GUCA1B: variants seen among roughly 807,000 people sequenced by gnomAD.
GUCA1B encodes guanylyl cyclase-activating protein 2.
GUCA1B carries 22 observed loss-of-function variants against 24.2 expected under a neutral mutation model. The ratio of observed to expected loss-of-function variants is 0.91; its 90% CI spans 0.65 to 1.30. The LOEUF (loss-of-function observed/expected upper bound fraction) is 1.30. Ranked by LOEUF, GUCA1B falls within the 50% of genes most tolerant of loss-of-function variation. The pLI is 0.00. For missense variants in GUCA1B, 221 were observed against 258.8 expected (o/e 0.85, Z 1.00); for synonymous variants, 100 against 97.9 (o/e 1.02, Z -0.13).
intron 2 of GUCA1B, among the ~76,000 whole-genome samples, 177 bp downstream of exon 2, chr6:42,188,404 AT>A: frequency 6.7e-6 from 1 of 149,354 alleles, no homozygotes; most frequent in African/African-American, 2.5e-5. Context: ...TCTTTTTTTG[AT>A]TGATTTCTAG....
At chr6:42,192,494 T>C (rs1378594421) in intron 1 of GUCA1B, among the ~76,000 whole-genome samples, 1 of 151,242 alleles carries the variant, frequency 6.6e-6, no homozygotes, top group African/African-American at 2.4e-5. Context: ...GGCAAATCAC[T>C]TCAGGTCAGG....
Position 42,194,702 on chromosome 6 carries a change from T to A in GUCA1B, c.119A>T (p.His40Leu). 1 of 1,613,626 alleles carries A rather than the reference T, an allele frequency of 6.2e-7. No homozygotes were observed. Among genetic ancestry groups the A allele is most frequent in the East Asian group, 2.2e-5 (1 of 44,864 alleles). ...GACCTTGAAGAAGCGCTTAAACTCA[T>A]GCATAAAGAGTGTGCCGCTGGGGCA... ...MECPSGTLFM[H>L]EFKRFFKVTD... Residue 40 changes from histidine (H) to leucine (L), a missense_variant, in exon 1 of 4, where the codon CAT (histidine) becomes CTT (leucine). His to Leu is a moderately conservative substitution (Grantham distance 99). Coordinates refer to ENST00000230361, the MANE Select transcript of GUCA1B (RefSeq NM_002098.6).
At chr6:42,187,072 T>G (rs1009199747) in intron 2 of GUCA1B, among the ~76,000 whole-genome samples, 8 of 151,804 alleles carry the variant, frequency 5.3e-5, no homozygotes, top group African/African-American at 1.7e-4. Flanking sequence ...TGATTTCTGC[T>G]GTTTATTTTC....
chr6:42,185,590 GAAGGTGGAGGGCCTTGCCC>G, intron 3 of GUCA1B, 71 bp downstream of exon 3: 1 of 791,890 alleles, frequency 1.3e-6, no homozygotes, highest in Non-Finnish European at 2.2e-6. Context: ...CCCAGGGTTG[GAAGGTGGAGGGCCTTGCCC>G]AAGGACGTGC....
rs192301923 is a variant in GUCA1B at position 42,191,987 on chromosome 6, G to C, written c.207+2627C>G. ...AGAAAAGCTGAGATTAAAGATTCCA[G>C]GTTAAAGAAGACTAAGGAGATACAA... On this transcript the variant is annotated intron_variant, in intron 1 of 3. Coordinates refer to ENST00000230361, the MANE Select transcript of GUCA1B (RefSeq NM_002098.6). 3.8e-3 allele frequency among the ~76,000 whole-genome samples: 556 copies of C among 148,108 alleles called. 4 individuals are homozygous for C. The highest frequency in any genetic ancestry group is 0.013 in the African/African-American group (528 of 39,952).
rs1375168314 is a variant in GUCA1B, at chr6:42,184,619, A to G, written c.*196T>C. On this transcript the variant is annotated 3_prime_UTR_variant, in exon 4 of 4. Coordinates refer to ENST00000230361, the MANE Select transcript of GUCA1B (RefSeq NM_002098.6). ...CTGAATTCCCTTCACCATCCCAGGG[A>G]CTCCTCCAAAATGGACTATGCCCTG... 3.0e-6 allele frequency: 2 copies of G among 664,746 alleles called. No homozygotes were observed. The allele number at this position is 664,746 out of a possible 1,614,324, so 41.2% of individuals were successfully genotyped here.
intron 2 of GUCA1B, among the ~76,000 whole-genome samples, 187 bp downstream of exon 2, chr6:42,188,395 C>CT (rs1478443074): frequency 6.6e-6 from 1 of 151,164 alleles, no homozygotes; most frequent in African/African-American, 2.4e-5. Context: ...TTCTAATAAT[C>CT]TTTTTTTGAT....
intron 1 of GUCA1B, among the ~76,000 whole-genome samples, chr6:42,194,056 T>C (rs948387693): frequency 3.3e-5 from 5 of 152,202 alleles, no homozygotes; most frequent in African/African-American, 1.2e-4. Flanking sequence ...TTCCAGGACT[T>C]GAAGAGCTGA....
At chr6:42,190,055 GGA>G (rs1375951131) in intron 1 of GUCA1B, among the ~76,000 whole-genome samples, 1 of 152,192 alleles carries the variant, frequency 6.6e-6, no homozygotes, top group African/African-American at 2.4e-5. Context: ...AGGCCACTCA[GGA>G]GCCCCAGCCC....
chr6:42,189,936 C>A (rs1335971824), intron 1 of GUCA1B, among the ~76,000 whole-genome samples: 1 of 152,128 alleles, frequency 6.6e-6, no homozygotes, highest in African/African-American at 2.4e-5. Flanking sequence ...ACTCCATTCT[C>A]CAAATCAAAA....
intron 1 of GUCA1B, among the ~76,000 whole-genome samples, chr6:42,192,423 GAAAC>G (rs200233690): frequency 0.018 from 2,430 of 135,872 alleles, 304 homozygotes; most frequent in African/African-American, 0.069. Flanking sequence ...AAAAAAGAAA[GAAAC>G]CTGGCCGGGT....
In GUCA1B at chr6:42,188,719, C is replaced by T. The variant is rs751148469; in HGVS notation, c.220G>A (p.Asp74Asn). The T allele has an allele frequency of 3.1e-6, 5 of 1,613,738 alleles. No individual in the cohort carries two copies. Among genetic ancestry groups the T allele is most frequent in the Middle Eastern group, 1.6e-4 (1 of 6,084 alleles). The change falls in exon 2 of 4, where the codon GAC becomes AAC. Residue 74 changes from aspartate (D) to asparagine (N), a missense_variant. Transcript: ENST00000230361. ...AFDKNGDNTIDFLEYVAALNL... is the reference protein window; with the variant it reads ...AFDKNGDNTINFLEYVAALNL... ...AGAGCTGCCACGTACTCCAGGAAGTCGATGGTGTTGTCCTGCATTAGATGT... is the reference window on the plus strand; with the variant it reads ...AGAGCTGCCACGTACTCCAGGAAGTTGATGGTGTTGTCCTGCATTAGATGT...
intron 1 of GUCA1B, among the ~76,000 whole-genome samples, chr6:42,192,718 CATAA>C (rs1180306336): frequency 1.3e-5 from 2 of 151,828 alleles, no homozygotes; most frequent in African/African-American, 4.8e-5. Flanking sequence ...TCTCTACCAA[CATAA>C]ATAAATAAAT....
rs1390282865 is a variant in GUCA1B at position 42,194,599 on chromosome 6, T to C, written c.207+15A>G. 2 of 1,568,754 alleles carry C rather than the reference T, an allele frequency of 1.3e-6. No individual in the cohort carries two copies. Among genetic ancestry groups the C allele is most frequent in the Non-Finnish European group, 1.8e-6 (2 of 1,138,472 alleles). ...GGTGGACTGGCCACTGGTCCTTCCC[T>C]TCAGGGTGCCTTACCCCATTCTTGT... is the stretch of plus-strand genomic sequence containing the variant. On this transcript the variant is annotated intron_variant, in intron 1 of 3. Coordinates refer to ENST00000230361, the MANE Select transcript of GUCA1B (RefSeq NM_002098.6).
At chr6:42,193,428 A>T (rs1768343465) in intron 1 of GUCA1B, among the ~76,000 whole-genome samples, 1 of 152,268 alleles carries the variant, frequency 6.6e-6, no homozygotes, top group Non-Finnish European at 1.5e-5. Context: ...CTCTTTAAAA[A>T]ACCTGCCTTC....
At chr6:42,185,914 T>C (rs1230232470) in intron 2 of GUCA1B, 117 bp from the exon 3 acceptor site, 2 of 732,368 alleles carry the variant, frequency 2.7e-6, no homozygotes, top group Non-Finnish European at 5.0e-6. Flanking sequence ...CTGTGCGTCT[T>C]AGGATCACAT....
rs935076029 is a variant in GUCA1B, at chr6:42,183,510, T to C, written c.*1305A>G. Among the ~76,000 whole-genome samples, 2 of 152,174 alleles carry C rather than the reference T, an allele frequency of 1.3e-5. No homozygotes were observed. Among genetic ancestry groups the C allele is most frequent in the Non-Finnish European group, 2.9e-5 (2 of 68,044 alleles). On this transcript the variant is annotated 3_prime_UTR_variant, in exon 4 of 4. Coordinates refer to ENST00000230361, the MANE Select transcript of GUCA1B (RefSeq NM_002098.6). ...CTCCCTTTTAATCTAGTTTCTATAT[T>C]GGGGTTACACATAAGAGTTTATATA...
chr6:42,184,562 T>A lies in GUCA1B; in HGVS notation c.*253A>T. 1 of 517,026 alleles carries A rather than the reference T, an allele frequency of 1.9e-6. No individual in the cohort carries two copies. Among genetic ancestry groups the A allele is most frequent in the East Asian group, 3.8e-5 (1 of 26,504 alleles). The allele number at this position is 517,026 out of a possible 1,614,324, so 32.0% of individuals were successfully genotyped here. On this transcript the variant is annotated 3_prime_UTR_variant, in exon 4 of 4. Coordinates refer to ENST00000230361, the MANE Select transcript of GUCA1B (RefSeq NM_002098.6). ...CCACAACCACCCAGCCAAGGCACAGTCCTCCCAGGAGCGGCTGAACAGGAA... is the reference window on the plus strand; with the variant it reads ...CCACAACCACCCAGCCAAGGCACAGACCTCCCAGGAGCGGCTGAACAGGAA...
At chr6:42,192,390 GAAAA>G (rs1768325495) in intron 1 of GUCA1B, among the ~76,000 whole-genome samples, 11 of 11,328 alleles carry the variant, frequency 9.7e-4, no homozygotes, top group Non-Finnish European at 1.7e-3. Flanking sequence ...AGAGAGAAAA[GAAAA>G]GAAAAGAAAA....
Sources: gnomAD v4.1 joint callset for allele counts (sites outside exome capture counted in the v4.1 genomes callset) on GRCh38, gnomAD v4.1.1 for gene constraint, MANE v1.5 for transcripts, NCBI Gene and HGNC (gene_info 2026-07-23, HGNC 2026-07-21) for gene names.